The following COL26A1 variants were observed in gnomAD, a reference collection of about 807,000 sequenced individuals.
The protein encoded by COL26A1 is collagen alpha-1(XXVI) chain.
A neutral mutation model predicts 59.3 loss-of-function variants in COL26A1; 41 were observed. That is an observed-to-expected ratio of 0.69 (90% CI 0.54 to 0.90). The LOEUF is 0.90. Among genes scored for constraint, COL26A1 ranks in the 40% least tolerant of loss-of-function variants. The probability of loss-of-function intolerance (pLI) is 0.00; values close to 1 mark genes in which losing one functional copy is unlikely to be tolerated. For synonymous variants in COL26A1, 266 were observed against 256.0 expected (o/e 1.04, Z -0.37); for missense variants, 612 against 602.3 (o/e 1.02, Z -0.17).
intron 1 of COL26A1, among the ~76,000 whole-genome samples, chr7:101,373,515 A>G (rs1315117403): frequency 1.7e-5 from 2 of 119,514 alleles, no homozygotes; most frequent in African/African-American, 4.1e-5. Flanking sequence ...TGTTGAGTGA[A>G]TGAATGAACA....
chr7:101,556,901 ATGG>A (rs1366746123), intron 12 of COL26A1, among the ~76,000 whole-genome samples: 68 of 148,208 alleles, frequency 4.6e-4, no homozygotes, highest in African/African-American at 1.5e-3. Context: ...GAGTGGATGG[ATGG>A]ATGGATGGAT....
rs372429469 is a variant in COL26A1 at position 101,505,619 on chromosome 7, G to A, written c.386-27463G>A. ...GCAGGAAGCATCCAGCATGGGAGAA[G>A]GATATAGGCTGGAAGCCTAGGCCAG... On this transcript the variant is annotated intron_variant, in intron 3 of 12. Coordinates refer to ENST00000313669, the MANE Select transcript of COL26A1 (RefSeq NM_001278563.3). Among the ~76,000 whole-genome samples the A allele has an allele frequency of 3.7e-4, 56 of 152,318 alleles. 3 individuals are homozygous for A. In the East Asian group the frequency reaches 4.1e-3, roughly 11 times the overall value.
At chr7:101,452,850 C>T (rs977756364) in intron 3 of COL26A1, among the ~76,000 whole-genome samples, 7 of 151,938 alleles carry the variant, frequency 4.6e-5, no homozygotes, top group Admixed American at 1.3e-4. Context: ...CTGCAACCTC[C>T]GCCTCCTGGG....
At chr7:101,465,542 A>G (rs1793736176) in intron 3 of COL26A1, among the ~76,000 whole-genome samples, 1 of 152,016 alleles carries the variant, frequency 6.6e-6, no homozygotes, top group African/African-American at 2.4e-5. Flanking sequence ...AAATACAAAA[A>G]AATCAGTCGG....
At position 101,383,177 on chromosome 7, in the gene COL26A1, CTT is replaced by C. The variant is rs541458935; in HGVS notation, c.158+19990_158+19991del. Among the ~76,000 whole-genome samples the C allele has an allele frequency of 1.6e-4, 24 of 152,152 alleles. No individual in the cohort carries two copies. In the East Asian group the frequency reaches 3.7e-3, roughly 23 times the overall value. On this transcript the variant is annotated intron_variant, in intron 1 of 12. Coordinates refer to ENST00000313669, the MANE Select transcript of COL26A1 (RefSeq NM_001278563.3). ...TTTTTATTGCTGTCATGAAAGGACT[CTT>C]TTGTTCCTTGCCATTTATAAACATT...
At position 101,425,100 on chromosome 7, in the gene COL26A1, A is replaced by T. The variant is rs116792753; in HGVS notation, c.281+5001A>T. On this transcript the variant is annotated intron_variant, in intron 2 of 12. Coordinates refer to ENST00000313669, the MANE Select transcript of COL26A1 (RefSeq NM_001278563.3). Reference sequence around the variant, plus strand: ...ACCATGCCCAGTTAATTTAAAAAAAATTTTGGCCAGGCGCGGTGGCTCATG... The same window carrying T: ...ACCATGCCCAGTTAATTTAAAAAAATTTTTGGCCAGGCGCGGTGGCTCATG... Among the ~76,000 whole-genome samples, 1,138 of 151,750 alleles carry T rather than the reference A, an allele frequency of 7.5e-3. 16 individuals are homozygous for T. Among genetic ancestry groups the T allele is most frequent in the African/African-American group, 0.026 (1,096 of 41,392 alleles).
At chr7:101,415,921 C>CCA (rs1470889068) in intron 1 of COL26A1, among the ~76,000 whole-genome samples, 73 of 145,640 alleles carry the variant, frequency 5.0e-4, no homozygotes, top group South Asian at 1.3e-3. Flanking sequence ...GCGTGAGCCA[C>CCA]TGCACCCAAC....
rs369427061 is a variant in COL26A1, at chr7:101,555,856, A to G, written c.1150A>G (p.Met384Val). The change falls in exon 12 of 13, where the codon ATG becomes GTG. Residue 384 changes from methionine to valine, a missense_variant. Coordinates refer to ENST00000313669, the MANE Select transcript of COL26A1 (RefSeq NM_001278563.3). Reference sequence around the variant, plus strand: ...AGAGCGAGTCCTCATCCTGGAGCACATGATTGGGATCCACGGTGAGCAGTG... The same window carrying G: ...AGAGCGAGTCCTCATCCTGGAGCACGTGATTGGGATCCACGGTGAGCAGTG... ...LAERVLILEH[M>V]IGIHDPLASP... The G allele has an allele frequency of 1.6e-5, 26 of 1,609,980 alleles. 1 individual carries two copies. Among genetic ancestry groups the G allele is most frequent in the East Asian group, 2.2e-5 (1 of 44,764 alleles).
At chr7:101,405,664 G>A (rs952792748) in intron 1 of COL26A1, among the ~76,000 whole-genome samples, 1 of 152,020 alleles carries the variant, frequency 6.6e-6, no homozygotes, top group Non-Finnish European at 1.5e-5. Context: ...CCTAAGTGCC[G>A]ACCCTATAGA....
intron 2 of COL26A1, among the ~76,000 whole-genome samples, chr7:101,423,165 T>C (rs1792565442): frequency 6.6e-6 from 1 of 152,068 alleles, no homozygotes; most frequent in Non-Finnish European, 1.5e-5. Flanking sequence ...TTCAGGAGGC[T>C]GAGGCAGGGA....
chr7:101,366,683 T>C (rs1232833008), intron 1 of COL26A1, among the ~76,000 whole-genome samples: 1 of 151,766 alleles, frequency 6.6e-6, no homozygotes, highest in African/African-American at 2.4e-5. Flanking sequence ...AAATTTTTCA[T>C]AGAGGTGGGG....
At chr7:101,390,154 T>TG (rs1791692604) in intron 1 of COL26A1, among the ~76,000 whole-genome samples, 1 of 103,958 alleles carries the variant, frequency 9.6e-6, no homozygotes, top group African/African-American at 5.3e-5. Flanking sequence ...AAGGGTTTTT[T>TG]TTTTTTTTTT....
intron 1 of COL26A1, among the ~76,000 whole-genome samples, chr7:101,383,196 A>G (rs73173771): frequency 0.11 from 17,132 of 152,158 alleles, 1,066 homozygotes; most frequent in Non-Finnish European, 0.15. Flanking sequence ...CTTGCCATTT[A>G]TAAACATTTA....
At chr7:101,549,674 G>A (rs1397986586) in intron 9 of COL26A1, among the ~76,000 whole-genome samples, 3 of 151,944 alleles carry the variant, frequency 2.0e-5, no homozygotes, top group Admixed American at 6.6e-5. Context: ...GAGCCACTGC[G>A]CCCAGCCGAG....
At chr7:101,522,988 C>T (rs1421225006) in intron 3 of COL26A1, among the ~76,000 whole-genome samples, 2 of 152,080 alleles carry the variant, frequency 1.3e-5, no homozygotes, top group Non-Finnish European at 2.9e-5. Flanking sequence ...TTTGTGCATA[C>T]ACATATTCCA....
At chr7:101,362,772 G>C, upstream of COL26A1, 1 of 499,820 alleles carries the variant, frequency 2.0e-6, no homozygotes, top group South Asian at 2.5e-5. Context: ...CCGCCTCCTC[G>C]GCCCCGGACC....
intron 3 of COL26A1, among the ~76,000 whole-genome samples, chr7:101,489,700 TC>T: frequency 9.2e-5 from 1 of 10,876 alleles, no homozygotes; most frequent in African/African-American, 3.7e-4. Flanking sequence ...TTTCTTTCTG[TC>T]TTTCTTTCTT....
chr7:101,405,898 GCT>G (rs1184711265), intron 1 of COL26A1, among the ~76,000 whole-genome samples: 1 of 152,226 alleles, frequency 6.6e-6, no homozygotes, highest in Non-Finnish European at 1.5e-5. Flanking sequence ...TGTGGGGCTG[GCT>G]CTCAGGTGGG....
chr7:101,466,837 T>TGTGTGTGTGAGAGAGA (rs764059657), intron 3 of COL26A1, among the ~76,000 whole-genome samples: 1 of 122,642 alleles, frequency 8.2e-6, no homozygotes, highest in Non-Finnish European at 1.7e-5. Flanking sequence ...TGTGTGTGTG[T>TGTGTGTGTGAGAGAGA]GAGAGAGAGA....
Sources: allele counts gnomAD v4.1 joint callset (sites outside exome capture counted in the v4.1 genomes callset), GRCh38; gene constraint gnomAD v4.1.1; transcripts MANE v1.5; gene names NCBI Gene and HGNC (gene_info 2026-07-23, HGNC 2026-07-21).